The following ZSWIM6 variants were observed in gnomAD, a reference collection of about 807,000 sequenced individuals.
ZSWIM6 encodes zinc finger SWIM domain-containing protein 6.
In ZSWIM6, 9 loss-of-function variants were observed where a neutral mutation model predicts 113.2. That is an observed-to-expected ratio of 0.08 (90% CI 0.05 to 0.14). The LOEUF (loss-of-function observed/expected upper bound fraction) is 0.14, where lower values mean the gene tolerates loss of function less well. Ranked by LOEUF, ZSWIM6 falls within the 10% of genes least tolerant of loss-of-function variation. ZSWIM6 has a pLI of 1.00. For missense variants in ZSWIM6, 1,162 were observed against 1,552.2 expected (o/e 0.75, Z 4.22); for synonymous variants, 611 against 606.5 (o/e 1.01, Z -0.11).
chr5:61,475,033 TA>T (rs1747674181), intron 2 of ZSWIM6, among the ~76,000 whole-genome samples: 1 of 152,202 alleles, frequency 6.6e-6, no homozygotes, highest in African/African-American at 2.4e-5. Context: ...CTTTTTCAAG[TA>T]GGCTTCTGCT....
intron 1 of ZSWIM6, among the ~76,000 whole-genome samples, chr5:61,362,397 C>T (rs1745049223): frequency 6.6e-6 from 1 of 152,098 alleles, no homozygotes; most frequent in African/African-American, 2.4e-5. Context: ...GGGGTTTCGC[C>T]ATTTTGGCCA....
At chr5:61,519,971 G>A (rs1019399537) in intron 4 of ZSWIM6, among the ~76,000 whole-genome samples, 1 of 152,072 alleles carries the variant, frequency 6.6e-6, no homozygotes, top group African/African-American at 2.4e-5. Context: ...TGCCACCGCT[G>A]ATCTGACAGG....
At chr5:61,477,112 T>C (rs1747727268) in intron 2 of ZSWIM6, among the ~76,000 whole-genome samples, 1 of 152,208 alleles carries the variant, frequency 6.6e-6, no homozygotes, top group Non-Finnish European at 1.5e-5. Context: ...TTCTGGCACA[T>C]ATTTCCTCTC....
intron 1 of ZSWIM6, among the ~76,000 whole-genome samples, chr5:61,443,484 C>G (rs1264238629): frequency 6.6e-6 from 1 of 152,090 alleles, no homozygotes; most frequent in Admixed American, 6.5e-5. Flanking sequence ...TAGTACAGTT[C>G]TCTTGAAGTT....
intron 13 of ZSWIM6, among the ~76,000 whole-genome samples, chr5:61,542,380 A>G (rs1366998733): frequency 1.3e-5 from 2 of 152,190 alleles, no homozygotes; most frequent in African/African-American, 2.4e-5. Context: ...AGCTGGCCAT[A>G]AGAAGATTTC....
intron 4 of ZSWIM6, among the ~76,000 whole-genome samples, chr5:61,510,039 T>A (rs1257801258): frequency 6.6e-6 from 1 of 151,782 alleles, no homozygotes; most frequent in Non-Finnish European, 1.5e-5. Context: ...AACAACCCGA[T>A]GAGGTTAGAA....
rs1744278556 is a variant in ZSWIM6 at position 61,332,647 on chromosome 5, G to T, written c.375G>T (p.Ser125=). Residue 125 remains serine (S), a synonymous_variant, in exon 1 of 14, where the codon TCG becomes TCT. Transcript: ENST00000252744. The stretch of plus-strand genomic sequence containing the variant: ...GCGAGCGGGAGATCTGCATGTACTC[G>T]TCCTTCAACACCGGCGGCGGCGCCG... ...PRSEREICMY[S]SFNTGGGAAG... The T allele has an allele frequency of 6.8e-6, 8 of 1,168,726 alleles. No individual in the cohort carries two copies. Among genetic ancestry groups the T allele is most frequent in the Non-Finnish European group, 8.7e-6 (8 of 918,588 alleles). 72.4% of individuals were successfully genotyped at this position (1,168,726 alleles called of 1,614,324 possible). A position where few individuals can be genotyped will look rare whatever the true frequency, so the allele number is the denominator to read the frequency against.
chr5:61,376,310 A>G (rs1299463408), intron 1 of ZSWIM6, among the ~76,000 whole-genome samples: 2 of 137,716 alleles, frequency 1.5e-5, no homozygotes, highest in African/African-American at 5.4e-5. Context: ...TTCCCCTCGT[A>G]TACTTTTATT....
At chr5:61,354,921 A>G (rs1744868853) in intron 1 of ZSWIM6, among the ~76,000 whole-genome samples, 2 of 152,280 alleles carry the variant, frequency 1.3e-5, no homozygotes, top group South Asian at 2.1e-4. Flanking sequence ...TTTACTTTCT[A>G]CTGAAAGTAA....
At chr5:61,425,458 T>C (rs1302887990) in intron 1 of ZSWIM6, among the ~76,000 whole-genome samples, 2 of 152,202 alleles carry the variant, frequency 1.3e-5, no homozygotes, top group Non-Finnish European at 2.9e-5. Context: ...AGTCAGTGTT[T>C]ATGAAGCACC....
At chr5:61,429,466 G>A (rs941126762) in intron 1 of ZSWIM6, among the ~76,000 whole-genome samples, 6 of 152,210 alleles carry the variant, frequency 3.9e-5, no homozygotes, top group African/African-American at 1.4e-4. Context: ...TGCTTTGGCC[G>A]AGATGAAGGA....
chr5:61,463,397 A>G (rs1399483842), intron 1 of ZSWIM6, among the ~76,000 whole-genome samples: 2 of 152,190 alleles, frequency 1.3e-5, no homozygotes. Flanking sequence ...GCTAGAAAAG[A>G]CTTGTTGAGG....
rs1236560854 is a variant in ZSWIM6, at chr5:61,518,141, G to A, written c.1334-3122G>A. 4.6e-5 allele frequency among the ~76,000 whole-genome samples: 7 copies of A among 152,008 alleles called. No individual in the cohort carries two copies. The East Asian group carries it at 1.2e-3, about 25-fold the overall frequency. The stretch of plus-strand genomic sequence containing the variant: ...ACTCATCATTTTTTATGGCTGCATA[G>A]TATTCCATGGTGTATATGTGCCACA... On this transcript the variant is annotated intron_variant, in intron 4 of 13. Transcript: ENST00000252744.
intron 4 of ZSWIM6, among the ~76,000 whole-genome samples, chr5:61,511,580 T>C (rs1259025143): frequency 6.6e-6 from 1 of 152,088 alleles, no homozygotes; most frequent in Non-Finnish European, 1.5e-5. Flanking sequence ...TTAGTGCTAT[T>C]GTAAAAGAGG....
intron 1 of ZSWIM6, among the ~76,000 whole-genome samples, chr5:61,415,332 C>T (rs1746225250): frequency 2.0e-5 from 3 of 152,168 alleles, no homozygotes; most frequent in African/African-American, 7.2e-5. Flanking sequence ...GTGGCTCATG[C>T]CTGTAATTCC....
At chr5:61,354,617 C>T (rs895022874) in intron 1 of ZSWIM6, among the ~76,000 whole-genome samples, 4 of 152,136 alleles carry the variant, frequency 2.6e-5, no homozygotes, top group African/African-American at 4.8e-5. Context: ...TTCTGGTAAG[C>T]GAAGGAACAG....
At chr5:61,363,898 CTCCT>C (rs1402071169) in intron 1 of ZSWIM6, among the ~76,000 whole-genome samples, 6 of 135,062 alleles carry the variant, frequency 4.4e-5, no homozygotes, top group African/African-American at 8.3e-5. Flanking sequence ...CCCTCCTTCC[CTCCT>C]TCCTTCCTTC....
chr5:61,512,196 A>G (rs1391920085), intron 4 of ZSWIM6, among the ~76,000 whole-genome samples: 2 of 152,046 alleles, frequency 1.3e-5, no homozygotes, highest in African/African-American at 2.4e-5. Flanking sequence ...CCAGAATATC[A>G]TATCAGTTGA....
rs1393682843 is a variant in ZSWIM6 at position 61,525,872 on chromosome 5, G to C, written c.1586G>C (p.Ser529Thr). ...GCATGCGATCTCCACTGGCAGGATA[G>C]CCACTTGCAGCACATTATCAGCAGT... The part of the protein sequence containing the change: ...IEACDLHWQD[S>T]HLQHIISSDL... The change falls in exon 6 of 14, where the codon AGC (serine) becomes ACC (threonine). Residue 529 changes from serine to threonine, a missense_variant. Ser to Thr is a moderately conservative substitution (Grantham distance 58). This residue lies in a region of ZSWIM6 where 620 missense variants were observed against 804.6 expected (regional missense o/e 0.77). Transcript: ENST00000252744. 1 of 1,551,884 alleles carries C rather than the reference G, an allele frequency of 6.4e-7. No homozygotes were observed. Among genetic ancestry groups the C allele is most frequent in the Non-Finnish European group, 8.7e-7 (1 of 1,147,014 alleles).
Sources: allele counts gnomAD v4.1 joint callset (sites outside exome capture counted in the v4.1 genomes callset), GRCh38; gene constraint gnomAD v4.1.1; regional missense constraint gnomAD v4.1.1; transcripts MANE v1.5; gene names NCBI Gene and HGNC (gene_info 2026-07-23, HGNC 2026-07-21).